ATP8B1: variants seen among roughly 807,000 people sequenced by gnomAD.
ATP8B1 encodes the protein phospholipid-transporting ATPase IC.
A neutral mutation model predicts 149.9 loss-of-function variants in ATP8B1; 80 were observed. That is an observed-to-expected ratio of 0.53 (90% CI 0.45 to 0.64). The LOEUF is 0.64. Among genes scored for constraint, ATP8B1 ranks in the 30% least tolerant of loss-of-function variants. ATP8B1 has a pLI of 0.00. For missense variants in ATP8B1, 1,247 were observed against 1,552.6 expected (o/e 0.80, Z 3.31); for synonymous variants, 536 against 562.8 (o/e 0.95, Z 0.67).
chr18:57,780,962 T>C (rs2080351147), intron 1 of ATP8B1, among the ~76,000 whole-genome samples: 1 of 152,204 alleles, frequency 6.6e-6, no homozygotes, highest in Non-Finnish European at 1.5e-5. Context: ...GCAAGGTATG[T>C]ATGATATATG....
At position 57,773,200 on chromosome 18, in the gene ATP8B1, T is replaced by TAAAAAAAA. The variant is rs530739448; in HGVS notation, c.-26+29797_-26+29798insTTTTTTTT. 1.5e-4 allele frequency among the ~76,000 whole-genome samples: 19 copies of TAAAAAAAA among 125,458 alleles called. 1 individual carries two copies. Among genetic ancestry groups the TAAAAAAAA allele is most frequent in the South Asian group, 7.9e-4 (3 of 3,786 alleles). 82.3% of individuals were successfully genotyped at this position (125,458 alleles called of 152,430 possible). On this transcript the variant is annotated intron_variant, in intron 1 of 27. Coordinates refer to ENST00000648908, the MANE Select transcript of ATP8B1 (RefSeq NM_001374385.1). ...CTGGGTGACAGAGCGAGACTCTGTCTTAAAAAAAAAAAAAAAAAGAAAAGA... is the reference window on the plus strand; with the variant it reads ...CTGGGTGACAGAGCGAGACTCTGTCTAAAAAAAATAAAAAAAAAAAAAAAAAGAAAAGA...
chr18:57,764,395 C>A (rs918209344), intron 1 of ATP8B1, among the ~76,000 whole-genome samples: 1 of 141,092 alleles, frequency 7.1e-6, no homozygotes, highest in South Asian at 2.3e-4. Context: ...CTCTCTTTCT[C>A]TCTTTCTTTC....
chr18:57,727,688 C>G (rs1248449444), intron 2 of ATP8B1, among the ~76,000 whole-genome samples: 1 of 152,144 alleles, frequency 6.6e-6, no homozygotes, highest in Admixed American at 6.6e-5. Flanking sequence ...ACTTGGGAGG[C>G]TGAGGCAGGA....
At chr18:57,774,053 C>T (rs1307619665) in intron 1 of ATP8B1, among the ~76,000 whole-genome samples, 2 of 152,194 alleles carry the variant, frequency 1.3e-5, no homozygotes, top group African/African-American at 4.8e-5. Context: ...TCTACCTGCT[C>T]TCTTTCCCTC....
intron 1 of ATP8B1, among the ~76,000 whole-genome samples, chr18:57,791,475 C>T (rs1046207479): frequency 9.2e-5 from 14 of 151,352 alleles, no homozygotes; most frequent in African/African-American, 3.2e-4. Context: ...CATAGCCTCC[C>T]GAGTAGCTAG....
chr18:57,695,099 G>T, intron 10 of ATP8B1, 72 bp downstream of exon 10: 1 of 1,384,836 alleles, frequency 7.2e-7, no homozygotes, highest in Non-Finnish European at 1.0e-6. Flanking sequence ...ATGGACAAAG[G>T]ACAGAAAAGC....
intron 4 of ATP8B1, among the ~76,000 whole-genome samples, chr18:57,703,865 G>T (rs1913252638): frequency 6.6e-6 from 1 of 152,090 alleles, no homozygotes; most frequent in Non-Finnish European, 1.5e-5. Flanking sequence ...AAAAATCAAT[G>T]ATCTTTTTGG....
intron 8 of ATP8B1, among the ~76,000 whole-genome samples, chr18:57,696,547 C>CAAAAAAAA (rs10639684): frequency 6.9e-6 from 1 of 145,658 alleles, no homozygotes; most frequent in Non-Finnish European, 1.5e-5. Flanking sequence ...TTTTTTCCGC[C>CAAAAAAAA]AAAAAAAAAA....
intron 12 of ATP8B1, 97 bp from the exon 13 acceptor site, chr18:57,688,604 T>C: frequency 8.5e-7 from 1 of 1,181,172 alleles, no homozygotes; most frequent in Non-Finnish European, 1.2e-6. Flanking sequence ...GCAAGCTGCT[T>C]ATTTACTGCT....
intron 3 of ATP8B1, 24 bp downstream of exon 3, chr18:57,706,466 C>T: frequency 1.3e-6 from 2 of 1,599,246 alleles, no homozygotes; most frequent in South Asian, 2.2e-5. Flanking sequence ...TTAATGAAAA[C>T]AATTCAGAAA....
chr18:57,758,877 G>A (rs2080113800), intron 1 of ATP8B1, among the ~76,000 whole-genome samples: 1 of 151,834 alleles, frequency 6.6e-6, no homozygotes, highest in Non-Finnish European at 1.5e-5. Context: ...AAATCCATAG[G>A]CCGGGCATGG....
chr18:57,704,301 T>A (rs1009435769), intron 4 of ATP8B1, among the ~76,000 whole-genome samples: 5 of 152,286 alleles, frequency 3.3e-5, no homozygotes, highest in Admixed American at 2.6e-4. Flanking sequence ...GGGATACCAA[T>A]TTTAACACCC....
At chr18:57,742,157 A>G (rs1208190941) in intron 1 of ATP8B1, among the ~76,000 whole-genome samples, 1 of 152,218 alleles carries the variant, frequency 6.6e-6, no homozygotes, top group Non-Finnish European at 1.5e-5. Flanking sequence ...GGCATGAGCC[A>G]CCACGCCTGG....
chr18:57,688,251 G>A (rs188682887), intron 13 of ATP8B1, 48 bp downstream of exon 13: 54 of 1,571,982 alleles, frequency 3.4e-5, no homozygotes, highest in East Asian at 4.5e-5. Context: ...ACCTGCACAC[G>A]GCAGGCAGCC....
intron 2 of ATP8B1, among the ~76,000 whole-genome samples, chr18:57,731,105 G>A (rs2079760102): frequency 6.6e-6 from 1 of 151,734 alleles, no homozygotes. Flanking sequence ...ACGAGCCTGG[G>A]CAACATAGTG....
intron 11 of ATP8B1, among the ~76,000 whole-genome samples, chr18:57,693,585 G>A (rs980187306): frequency 4.6e-5 from 7 of 152,106 alleles, no homozygotes; most frequent in Non-Finnish European, 8.8e-5. Flanking sequence ...GCAGGTGCCT[G>A]TAATCCCAGC....
At position 57,655,403 on chromosome 18, in the gene ATP8B1, C is replaced by T. The variant is rs200648620; in HGVS notation, c.2722G>A (p.Val908Ile). 2.1e-5 allele frequency: 34 copies of T among 1,614,164 alleles called. No homozygotes were observed. Among genetic ancestry groups the T allele is most frequent in the Admixed American group, 1.8e-4 (11 of 60,020 alleles). Residue 908 changes from valine (V) to isoleucine (I), a missense_variant, in exon 23 of 28, where the codon GTT becomes ATT. Val to Ile is a conservative substitution (Grantham distance 29). Around this residue, in one of 3 missense-constraint regions of ATP8B1, gnomAD observed 230 missense variants for 356.6 expected, o/e 0.65. Transcript: ENST00000648908. ...ATTCCTTCTTGTCCACTTATTCCAACGCCAATGTGGGCAGCTATGGGGCAG... is the reference window on the plus strand; with the variant it reads ...ATTCCTTCTTGTCCACTTATTCCAATGCCAATGTGGGCAGCTATGGGGCAG... ...VNMIKTAHIGVGISGQEGMQA... is the reference protein window; with the variant it reads ...VNMIKTAHIGIGISGQEGMQA...
At chr18:57,759,180 A>AAAAAAAAAAAAAAAAAAAAC (rs2080120980) in intron 1 of ATP8B1, among the ~76,000 whole-genome samples, 1 of 137,642 alleles carries the variant, frequency 7.3e-6, no homozygotes, top group Non-Finnish European at 1.6e-5. Flanking sequence ...AAAAAAAAAA[A>AAAAAAAAAAAAAAAAAAAAC]AAGAAATCCA....
chr18:57,791,688 G>T (rs554950795), intron 1 of ATP8B1, among the ~76,000 whole-genome samples: 2 of 152,174 alleles, frequency 1.3e-5, no homozygotes, highest in Admixed American at 6.6e-5. Flanking sequence ...CTAATCATAT[G>T]GGTACACCAA....
Sources: gnomAD v4.1 joint callset for allele counts (sites outside exome capture counted in the v4.1 genomes callset) on GRCh38, gnomAD v4.1.1 for gene constraint, gnomAD v4.1.1 regional missense constraint, MANE v1.5 for transcripts, NCBI Gene and HGNC (gene_info 2026-07-23, HGNC 2026-07-21) for gene names.